Variants in UST observed in about 807,000 individuals in gnomAD.
UST encodes chondroitin sulfate 2-O-sulfotransferase.
A neutral mutation model predicts 45.6 loss-of-function variants in UST; 21 were observed. The ratio of observed to expected loss-of-function variants is 0.46; its 90% CI spans 0.33 to 0.66. The LOEUF (loss-of-function observed/expected upper bound fraction) is 0.66. Among genes scored for constraint, UST ranks in the 30% least tolerant of loss-of-function variants. UST has a pLI of 0.02. For missense variants in UST, 463 were observed against 512.4 expected (o/e 0.90, Z 0.93); for synonymous variants, 215 against 200.6 (o/e 1.07, Z -0.61).
chr6:148,953,928 TG>T lies in UST; in HGVS notation c.505del (p.Val169PhefsTer46). 1 of 1,609,690 alleles carries T rather than the reference TG, an allele frequency of 6.2e-7. No homozygotes were observed. Among genetic ancestry groups the T allele is most frequent in the Non-Finnish European group, 8.5e-7 (1 of 1,178,206 alleles). ...AEQPYLFTRHVHFLNFSRFGG... is the reference protein window; with the variant it reads ...AEQPYLFTRHXHFLNFSRFGG... ...AACAACCCTATTTATTCACTCGACATGTTCATTTCCTCAACTTCTCAAGGTA... is the reference window on the plus strand; with the variant it reads ...AACAACCCTATTTATTCACTCGACATTTCATTTCCTCAACTTCTCAAGGTA... On this transcript the variant is annotated frameshift_variant, in exon 4 of 8. Transcript: ENST00000367463. LOFTEE classifies it high-confidence loss of function.
At chr6:148,852,161 C>T (rs773325922) in intron 1 of UST, among the ~76,000 whole-genome samples, 28 of 152,142 alleles carry the variant, frequency 1.8e-4, no homozygotes, top group Non-Finnish European at 3.5e-4. Flanking sequence ...CCAGTGTTGT[C>T]ATTAAGAAAG....
intron 1 of UST, among the ~76,000 whole-genome samples, chr6:148,869,506 T>A (rs1232976290): frequency 6.6e-6 from 1 of 152,228 alleles, no homozygotes; most frequent in Non-Finnish European, 1.5e-5. Context: ...TTATTTTACA[T>A]TTGAAGGCCT....
intron 1 of UST, among the ~76,000 whole-genome samples, chr6:148,861,295 A>G (rs549465012): frequency 4.3e-4 from 66 of 152,176 alleles, no homozygotes; most frequent in African/African-American, 1.6e-3. Flanking sequence ...AGAGGTGTTT[A>G]TAGTATTCTC....
intron 4 of UST, among the ~76,000 whole-genome samples, chr6:148,956,907 G>A (rs1475514624): frequency 6.6e-6 from 1 of 152,228 alleles, no homozygotes; most frequent in African/African-American, 2.4e-5. Context: ...TCCCCTAGCG[G>A]AGGTGGGAAG....
chr6:148,948,115 G>A (rs895642651), intron 3 of UST, among the ~76,000 whole-genome samples: 10 of 152,050 alleles, frequency 6.6e-5, no homozygotes, highest in Admixed American at 2.6e-4. Context: ...ACTGCTTCCC[G>A]CAGGCCATCC....
At chr6:149,034,874 C>G (rs985321851) in intron 7 of UST, among the ~76,000 whole-genome samples, 1 of 135,212 alleles carries the variant, frequency 7.4e-6, no homozygotes, top group African/African-American at 3.3e-5. Flanking sequence ...CTCTCTCTCT[C>G]TCTCTCTCTC....
At chr6:148,921,239 C>T (rs1779699655) in intron 2 of UST, among the ~76,000 whole-genome samples, 1 of 152,226 alleles carries the variant, frequency 6.6e-6, no homozygotes, top group Non-Finnish European at 1.5e-5. Flanking sequence ...GAAGACAGAG[C>T]TCCTGCCTGT....
At chr6:148,878,761 G>C (rs1320979132) in intron 1 of UST, among the ~76,000 whole-genome samples, 1 of 150,970 alleles carries the variant, frequency 6.6e-6, no homozygotes, top group Non-Finnish European at 1.5e-5. Flanking sequence ...AGGTATGAGT[G>C]GTGGGGTCAG....
At chr6:148,996,649 A>G (rs1190094517) in intron 5 of UST, among the ~76,000 whole-genome samples, 1 of 152,214 alleles carries the variant, frequency 6.6e-6, no homozygotes, top group Non-Finnish European at 1.5e-5. Flanking sequence ...AGTAATTAAC[A>G]TATTTTAACT....
At chr6:149,042,955 T>TTTACTTTC (rs1776335968) in intron 7 of UST, among the ~76,000 whole-genome samples, 3 of 109,076 alleles carry the variant, frequency 2.8e-5, no homozygotes, top group Non-Finnish European at 2.0e-5. Flanking sequence ...ATCACCATCC[T>TTTACTTTC]TTTCTTTCTT....
intron 1 of UST, among the ~76,000 whole-genome samples, chr6:148,815,866 A>T (rs966596179): frequency 1.3e-5 from 2 of 152,208 alleles, no homozygotes; most frequent in African/African-American, 4.8e-5. Context: ...TAATCAGATT[A>T]TCCTAGGCTT....
chr6:148,928,201 G>T lies in UST; in HGVS notation c.292-13078G>T, dbSNP rs534300133. On this transcript the variant is annotated intron_variant, in intron 2 of 7. Coordinates refer to ENST00000367463, the MANE Select transcript of UST (RefSeq NM_005715.3). ...CAGCAATAGACTCTTAAAACCTGGG[G>T]CTCTTGCCCTCATTTTAAACTTCTG... Among the ~76,000 whole-genome samples the T allele has an allele frequency of 2.0e-5, 3 of 152,266 alleles. No individual in the cohort carries two copies. In the East Asian group the frequency reaches 5.8e-4, roughly 29 times the overall value.
At chr6:149,049,533 A>G (rs1018299629) in intron 7 of UST, among the ~76,000 whole-genome samples, 1 of 152,228 alleles carries the variant, frequency 6.6e-6, no homozygotes, top group Admixed American at 6.5e-5. Context: ...GATAGTAAGC[A>G]TGTAGCATTT....
intron 2 of UST, among the ~76,000 whole-genome samples, chr6:148,937,295 A>T (rs976701652): frequency 1.3e-5 from 2 of 152,188 alleles, no homozygotes; most frequent in African/African-American, 4.8e-5. Flanking sequence ...TAGAGAAATG[A>T]TAGAAGTACC....
chr6:149,019,201 C>G lies in UST; in HGVS notation c.744C>G (p.Ile248Met). 1 of 1,614,072 alleles carries G rather than the reference C, an allele frequency of 6.2e-7. No homozygotes were observed. The highest frequency in any genetic ancestry group is 8.5e-7 in the Non-Finnish European group (1 of 1,179,982). The change falls in exon 6 of 8, where the codon ATC (isoleucine) becomes ATG (methionine). Residue 248 changes from isoleucine (I) to methionine (M), a missense_variant. Ile to Met is a conservative substitution (Grantham distance 10). Coordinates refer to ENST00000367463, the MANE Select transcript of UST (RefSeq NM_005715.3). ...PECSNPRLFYIIPYFCGQHPR... is the reference protein window; with the variant it reads ...PECSNPRLFYMIPYFCGQHPR... ...GCTCCAACCCCAGGTTATTTTACATCATTCCGTACTTTTGTGGACAGCATC... is the reference window on the plus strand; with the variant it reads ...GCTCCAACCCCAGGTTATTTTACATGATTCCGTACTTTTGTGGACAGCATC...
chr6:149,057,297 A>G (rs1776578682), intron 7 of UST, among the ~76,000 whole-genome samples: 1 of 151,836 alleles, frequency 6.6e-6, no homozygotes, highest in Non-Finnish European at 1.5e-5. Context: ...TATTAAGGGC[A>G]CTGCTGTACT....
chr6:148,852,035 G>C (rs912265143), intron 1 of UST, among the ~76,000 whole-genome samples: 1 of 152,146 alleles, frequency 6.6e-6, no homozygotes, highest in African/African-American at 2.4e-5. Flanking sequence ...ATGATGTCTG[G>C]GTACTGATTT....
Position 149,010,913 on chromosome 6 carries a change from A to AAAAAAAAAAAAAAAAAAAAAC in UST, c.682-8220_682-8219insAAAAAAAAAAAAAACAAAAAA, listed in dbSNP as rs755674810. Among the ~76,000 whole-genome samples, 67 of 92,982 alleles carry AAAAAAAAAAAAAAAAAAAAAC rather than the reference A, an allele frequency of 7.2e-4. 9 individuals carry two copies. The highest frequency in any genetic ancestry group is 1.3e-3 in the African/African-American group (30 of 22,934). The allele number at this position is 92,982 out of a possible 152,430, so 61.0% of individuals were successfully genotyped here. A position where few individuals can be genotyped will look rare whatever the true frequency, so the allele number is the denominator to read the frequency against. On this transcript the variant is annotated intron_variant, in intron 5 of 7. Transcript: ENST00000367463. Reference sequence around the variant, plus strand: ...TCTCAACCAAAAAAAAAAAAAAAAAAAAAAAACTGTGACTATTTATTTGTC... The same window carrying AAAAAAAAAAAAAAAAAAAAAC: ...TCTCAACCAAAAAAAAAAAAAAAAAAAAAAAAAAAAAAAAAAAAAACAAAAAACTGTGACTATTTATTTGTC...
chr6:148,863,136 A>G (rs960403650), intron 1 of UST, among the ~76,000 whole-genome samples: 9 of 152,174 alleles, frequency 5.9e-5, no homozygotes, highest in Middle Eastern at 3.2e-3. Flanking sequence ...AGGTACACCA[A>G]TCAGACGTAG....
Sources: allele counts gnomAD v4.1 joint callset (sites outside exome capture counted in the v4.1 genomes callset), GRCh38; gene constraint gnomAD v4.1.1; transcripts MANE v1.5; gene names NCBI Gene and HGNC (gene_info 2026-07-23, HGNC 2026-07-21).